Variants in FAM186A observed in about 807,000 individuals in gnomAD.
FAM186A encodes the protein protein FAM186A.
A neutral mutation model predicts 216.8 loss-of-function variants in FAM186A; 163 were observed. That is an observed-to-expected ratio of 0.75 (90% CI 0.66 to 0.86). FAM186A has a LOEUF of 0.86. Ranked by LOEUF, FAM186A falls within the 40% of genes least tolerant of loss-of-function variation. FAM186A has a pLI of 0.00. For missense variants in FAM186A, 2,184 were observed against 2,746.2 expected, an observed-to-expected ratio of 0.80 and a Z score of 4.58; for synonymous variants, 805 against 1,025.3, an observed-to-expected ratio of 0.79 and a Z score of 4.10.
In FAM186A at chr12:50,329,085, A is replaced by C. The variant is rs547285461; in HGVS notation, c.7034+1488T>G. ...CAGTGAGCCAAGATTGCACCACTGCACTCTAGCATGGACGACAGAGGAAGA... is the reference window on the plus strand; with the variant it reads ...CAGTGAGCCAAGATTGCACCACTGCCCTCTAGCATGGACGACAGAGGAAGA... On this transcript the variant is annotated intron_variant, in intron 7 of 7. Coordinates refer to ENST00000327337, the MANE Select transcript of FAM186A (RefSeq NM_001145475.3). 2.0e-5 allele frequency among the ~76,000 whole-genome samples: 3 copies of C among 152,254 alleles called. No individual in the cohort carries two copies. In the South Asian group the frequency reaches 6.2e-4, roughly 32 times the overall value.
chr12:50,376,988 G>A (rs1232513864), intron 1 of FAM186A, among the ~76,000 whole-genome samples: 2 of 151,892 alleles, frequency 1.3e-5, no homozygotes, highest in Non-Finnish European at 2.9e-5. Flanking sequence ...GGCTCAAATG[G>A]TCCTCCCACC....
chr12:50,383,308 G>A (rs1210261875), intron 1 of FAM186A, among the ~76,000 whole-genome samples: 8 of 102,372 alleles, frequency 7.8e-5, no homozygotes, highest in African/African-American at 1.8e-4. Context: ...GAAAAGAAAC[G>A]GCTGGAAGCG....
chr12:50,336,032 G>A (rs1942704785), intron 4 of FAM186A, among the ~76,000 whole-genome samples: 1 of 151,712 alleles, frequency 6.6e-6, no homozygotes. Flanking sequence ...GGCTGAGGCA[G>A]GAGAATCACT....
rs1056780988 is a variant in FAM186A at position 50,396,486 on chromosome 12, T to G, written c.-2A>C. 6 of 1,533,242 alleles carry G rather than the reference T, an allele frequency of 3.9e-6. No individual in the cohort carries two copies. Among genetic ancestry groups the G allele is most frequent in the Non-Finnish European group, 4.4e-6 (5 of 1,141,032 alleles). The allele number at this position is 1,533,242 out of a possible 1,614,324, so 95.0% of individuals were successfully genotyped here. ...CTCATTTTTCATTTTGAAGAACATTTTGAAAATGTGGGTGATTTCGTTTTA... is the reference window on the plus strand; with the variant it reads ...CTCATTTTTCATTTTGAAGAACATTGTGAAAATGTGGGTGATTTCGTTTTA... On this transcript the variant is annotated 5_prime_UTR_variant, in exon 1 of 8. Coordinates refer to ENST00000327337, the MANE Select transcript of FAM186A (RefSeq NM_001145475.3).
chr12:50,353,889 C>G lies in FAM186A; in HGVS notation c.2943G>C (p.Gln981His). 2 of 1,552,028 alleles carry G rather than the reference C, an allele frequency of 1.3e-6. No individual in the cohort carries two copies. Among genetic ancestry groups the G allele is most frequent in the Non-Finnish European group, 1.7e-6 (2 of 1,147,204 alleles). ...TCTGCATCTGATCCTTTGTTTTGAT[C>G]TGCCTTTCGAGGTCCTCTAGCCCTC... ...PERGLEDLER[Q>H]IKTKDQMQMK... The change falls in exon 4 of 8, where the codon CAG becomes CAC. Residue 981 changes from glutamine to histidine, a missense_variant. By Grantham distance (24) the Gln-to-His change is conservative. Transcript: ENST00000327337.
Position 50,351,399 on chromosome 12 carries a change from C to G in FAM186A, c.5433G>C (p.Ala1811=). 6.8e-7 allele frequency: 1 copy of G among 1,468,636 alleles called. No individual in the cohort carries two copies. Among genetic ancestry groups the G allele is most frequent in the Non-Finnish European group, 9.0e-7 (1 of 1,111,236 alleles). 91.0% of individuals were successfully genotyped at this position (1,468,636 alleles called of 1,614,324 possible). The change falls in exon 4 of 8, where the codon GCG becomes GCC. Residue 1811 remains alanine (A), a synonymous_variant. Transcript: ENST00000327337. ...GAGGGGCCTGTGGTGCCGGGAACTG[C>G]GCAGAAGTGGATTGACCTCCGTATA... The part of the protein sequence containing the change: ...TLVYGGQSTS[A]QFPAPQAPPS...
chr12:50,376,316 C>T (rs1422453962), intron 1 of FAM186A, among the ~76,000 whole-genome samples: 1 of 152,174 alleles, frequency 6.6e-6, no homozygotes, highest in Non-Finnish European at 1.5e-5. Flanking sequence ...TTTACATGGA[C>T]AACTGAAGGG....
At chr12:50,391,817 C>A (rs1943359804) in intron 1 of FAM186A, among the ~76,000 whole-genome samples, 1 of 152,118 alleles carries the variant, frequency 6.6e-6, no homozygotes, top group African/African-American at 2.4e-5. Flanking sequence ...TTAGACTTAG[C>A]CATTCCAAGC....
chr12:50,392,086 T>C (rs990450845), intron 1 of FAM186A, among the ~76,000 whole-genome samples: 5 of 132,462 alleles, frequency 3.8e-5, no homozygotes, highest in Non-Finnish European at 7.7e-5. Context: ...ATATAAAATC[T>C]AAAATATGCA....
rs375934442 is a variant in FAM186A, at chr12:50,395,722, C to T, written c.192+571G>A. ...TCAAAGCCATCTAAATTCTATCTGG[C>T]TAATAGCTGTTTGATAAAACCTCCA... On this transcript the variant is annotated intron_variant, in intron 1 of 7. Coordinates refer to ENST00000327337, the MANE Select transcript of FAM186A (RefSeq NM_001145475.3). Among the ~76,000 whole-genome samples the T allele has an allele frequency of 1.2e-3, 188 of 152,106 alleles. 1 individual carries two copies. In the South Asian group the frequency reaches 0.039, roughly 31 times the overall value.
chr12:50,365,740 T>C (rs1943081245), intron 1 of FAM186A: 4 of 753,674 alleles, frequency 5.3e-6, no homozygotes, highest in African/African-American at 1.7e-5. Flanking sequence ...AGGAAGATTA[T>C]GTCTTCCCCT....
intron 4 of FAM186A, among the ~76,000 whole-genome samples, chr12:50,345,422 C>A (rs4768872): frequency 2.0e-5 from 3 of 151,864 alleles, no homozygotes; most frequent in Non-Finnish European, 2.9e-5. Context: ...TAAATAAAAA[C>A]AAAAAAAGAA....
chr12:50,395,262 T>A (rs1943402506), intron 1 of FAM186A, among the ~76,000 whole-genome samples: 1 of 151,748 alleles, frequency 6.6e-6, no homozygotes. Flanking sequence ...CTAATTTTTT[T>A]ATTTTTAGTA....
chr12:50,375,734 GAAA>G (rs1943191903), intron 1 of FAM186A, among the ~76,000 whole-genome samples: 1 of 147,446 alleles, frequency 6.8e-6, no homozygotes, highest in Non-Finnish European at 1.5e-5. Flanking sequence ...AAAAGAAAAA[GAAA>G]AAGAAAAAGA....
intron 1 of FAM186A, among the ~76,000 whole-genome samples, chr12:50,387,221 A>G (rs1012488983): frequency 6.6e-6 from 1 of 152,180 alleles, no homozygotes; most frequent in Non-Finnish European, 1.5e-5. Flanking sequence ...AGAACTTCTG[A>G]CCAATCAATT....
rs572745878 is a variant in FAM186A, at chr12:50,377,934, T to C, written c.193-14570A>G. On this transcript the variant is annotated intron_variant, in intron 1 of 7. Transcript: ENST00000327337. The stretch of plus-strand genomic sequence containing the variant: ...AATATGAAAGATACTGTTAAGAAAA[T>C]GAAAAGTCGGCGAGGCGAGGTGGCT... 6.0e-5 allele frequency among the ~76,000 whole-genome samples: 9 copies of C among 150,772 alleles called. No individual in the cohort carries two copies. In the East Asian group the frequency reaches 1.8e-3, roughly 30 times the overall value.
At chr12:50,369,491 C>T (rs1312737696) in intron 1 of FAM186A, among the ~76,000 whole-genome samples, 4 of 56,706 alleles carry the variant, frequency 7.1e-5, no homozygotes, top group African/African-American at 2.4e-4. Context: ...AGTGAGACTC[C>T]GTCTCAAAAA....
In FAM186A at chr12:50,396,313, G is replaced by A. The variant is rs1943412285; in HGVS notation, c.172C>T (p.Gln58Ter). 1 of 1,549,714 alleles carries A rather than the reference G, an allele frequency of 6.5e-7. No individual in the cohort carries two copies. The highest frequency in any genetic ancestry group is 2.4e-5 in the East Asian group (1 of 40,916). The part of the protein sequence containing the change: ...KDIISRIERA[Q>*]LHRAREDIDM... ...CCTACCTCTCTGGCTCGATGGAGCT[G>A]TGCGCGCTCAATCCTAGAGATGATA... Residue 58 changes from glutamine (Q) to a stop codon, truncating the protein, a stop_gained, in exon 1 of 8, where the codon CAG becomes TAG. Coordinates refer to ENST00000327337, the MANE Select transcript of FAM186A (RefSeq NM_001145475.3). LOFTEE classifies it high-confidence loss of function.
At chr12:50,374,256 C>T (rs1350148679) in intron 1 of FAM186A, among the ~76,000 whole-genome samples, 2 of 151,246 alleles carry the variant, frequency 1.3e-5, no homozygotes, top group Non-Finnish European at 2.9e-5. Flanking sequence ...ACATATGTAA[C>T]TAACCTGCAC....
Sources: allele counts gnomAD v4.1 joint callset (sites outside exome capture counted in the v4.1 genomes callset), GRCh38; gene constraint gnomAD v4.1.1; transcripts MANE v1.5; gene names NCBI Gene and HGNC (gene_info 2026-07-23, HGNC 2026-07-21).